Variants in SLC25A42 observed in about 807,000 individuals in gnomAD.
The protein encoded by SLC25A42 is mitochondrial coenzyme A transporter SLC25A42.
Under a neutral mutation model 34.7 loss-of-function variants are expected in SLC25A42, and 19 were observed. The observed-to-expected ratio is 0.55, with a 90% CI of 0.38 to 0.80. SLC25A42 has a LOEUF of 0.80. Among genes scored for constraint, SLC25A42 ranks in the 30% least tolerant of loss-of-function variants. The probability of loss-of-function intolerance (pLI) is 0.00; values close to 1 mark genes in which losing one functional copy is unlikely to be tolerated. For missense variants in SLC25A42, 364 were observed against 441.3 expected (o/e 0.82, Z 1.57); for synonymous variants, 205 against 191.2 (o/e 1.07, Z -0.59).
chr19:19,086,288 C>T (rs1470407877), intron 1 of SLC25A42, among the ~76,000 whole-genome samples: 1 of 152,168 alleles, frequency 6.6e-6, no homozygotes, highest in African/African-American at 2.4e-5. Context: ...TGAGCACCAC[C>T]ATACCTGGCT....
intron 1 of SLC25A42, among the ~76,000 whole-genome samples, chr19:19,087,388 A>G (rs1309745178): frequency 6.6e-6 from 1 of 152,066 alleles, no homozygotes; most frequent in Non-Finnish European, 1.5e-5. Context: ...CCCAGGTTCA[A>G]GCGATTCTCC....
chr19:19,108,982 A>G (rs2059849045), intron 7 of SLC25A42, among the ~76,000 whole-genome samples: 1 of 151,748 alleles, frequency 6.6e-6, no homozygotes, highest in South Asian at 2.1e-4. Context: ...TGAGGGCCCA[A>G]GTCTCTCTCC....
chr19:19,098,395 T>C (rs2059776880), intron 2 of SLC25A42, among the ~76,000 whole-genome samples: 1 of 152,102 alleles, frequency 6.6e-6, no homozygotes, highest in African/African-American at 2.4e-5. Context: ...CCCAGGAGTT[T>C]GAGAACAGCC....
chr19:19,068,954 G>A (rs1451637060), intron 1 of SLC25A42, among the ~76,000 whole-genome samples: 1 of 151,722 alleles, frequency 6.6e-6, no homozygotes, highest in African/African-American at 2.4e-5. Context: ...TGAGCTCAGG[G>A]GGTTGAGGCT....
chr19:19,106,472 C>A, intron 6 of SLC25A42, 87 bp downstream of exon 6: 1 of 1,132,472 alleles, frequency 8.8e-7, no homozygotes, highest in South Asian at 1.4e-5. Context: ...CTCTATCGGG[C>A]CCCAGGGGTT....
At position 19,109,398 on chromosome 19, in the gene SLC25A42, T is replaced by C. The variant is rs1423417691; in HGVS notation, c.650-1171T>C. Among the ~76,000 whole-genome samples the C allele has an allele frequency of 6.6e-6, 1 of 152,234 alleles. No individual in the cohort carries two copies. Among genetic ancestry groups the C allele is most frequent in the African/African-American group, 2.4e-5 (1 of 41,464 alleles). ...ACGTGATGCCATCAGACCCCTTGTT[T>C]TTGCCCACCTGGTGAGCAGATCACA... is the stretch of plus-strand genomic sequence containing the variant. On this transcript the variant is annotated intron_variant, in intron 7 of 7. Transcript: ENST00000318596. The surrounding 1 kb of genome is among the most constrained non-coding windows in gnomAD (Gnocchi z 4.1).
intron 1 of SLC25A42, among the ~76,000 whole-genome samples, chr19:19,089,298 C>T (rs1568514894): frequency 6.6e-6 from 1 of 151,972 alleles, no homozygotes; most frequent in East Asian, 2.0e-4. Flanking sequence ...GAGGCTGAGG[C>T]GGGCAGATCA....
chr19:19,096,039 C>A, intron 1 of SLC25A42, 52 bp from the exon 2 acceptor site: 1 of 1,218,018 alleles, frequency 8.2e-7, no homozygotes, highest in Non-Finnish European at 1.2e-6. Context: ...GTGGAACACC[C>A]ACCATCTCTC....
At chr19:19,080,355 C>A (rs957063904) in intron 1 of SLC25A42, among the ~76,000 whole-genome samples, 2 of 152,104 alleles carry the variant, frequency 1.3e-5, no homozygotes, top group East Asian at 3.9e-4. Context: ...ACAGCCCCAC[C>A]CCCTACCCAT....
At chr19:19,075,457 C>T (rs922145891) in intron 1 of SLC25A42, among the ~76,000 whole-genome samples, 39 of 152,360 alleles carry the variant, frequency 2.6e-4, no homozygotes, top group African/African-American at 8.7e-4. Context: ...TGCCTGGCCG[C>T]TGGTAGTCAC....
Position 19,096,212 on chromosome 19 carries a change from A to C in SLC25A42, c.81+7A>C, listed in dbSNP as rs1599681408. On this transcript the variant is annotated splice_region_variant and intron_variant, in intron 2 of 7. Coordinates refer to ENST00000318596, the MANE Select transcript of SLC25A42 (RefSeq NM_178526.5). ...CTCGTCCGTCTCATCAAAGGCAAGT[A>C]CCCCGGCCTCCTGGGATGGGTGTTC... 1 of 1,603,954 alleles carries C rather than the reference A, an allele frequency of 6.2e-7. No homozygotes were observed. Among genetic ancestry groups the C allele is most frequent in the East Asian group, 2.2e-5 (1 of 44,534 alleles).
intron 3 of SLC25A42, among the ~76,000 whole-genome samples, chr19:19,102,659 G>C (rs913125464): frequency 6.6e-6 from 1 of 152,018 alleles, no homozygotes; most frequent in African/African-American, 2.4e-5. Flanking sequence ...CAGGAGAATC[G>C]CTTGAACCTG....
At chr19:19,071,937 G>A (rs2059632352) in intron 1 of SLC25A42, among the ~76,000 whole-genome samples, 1 of 152,184 alleles carries the variant, frequency 6.6e-6, no homozygotes, top group Admixed American at 6.5e-5. Flanking sequence ...AATCATCTAA[G>A]TTTTGTTTCA....
intron 3 of SLC25A42, among the ~76,000 whole-genome samples, chr19:19,103,945 C>A (rs1367228032): frequency 6.6e-6 from 1 of 152,028 alleles, no homozygotes; most frequent in East Asian, 1.9e-4. Flanking sequence ...CTCTCTCTGT[C>A]CCCCTGGCTG....
At chr19:19,071,360 T>C (rs2059629216) in intron 1 of SLC25A42, among the ~76,000 whole-genome samples, 1 of 152,144 alleles carries the variant, frequency 6.6e-6, no homozygotes, top group Non-Finnish European at 1.5e-5. Flanking sequence ...GGTCCTGTGA[T>C]TATCTCCTGT....
Position 19,104,944 on chromosome 19 carries a change from C to T in SLC25A42, c.213+6C>T, listed in dbSNP as rs1488993063. Reference sequence around the variant, plus strand: ...CAAAAAGATTTTCTGCCAAGGTGAGCCACTATGTCACCGCCCCGGCCTGGG... The same window carrying T: ...CAAAAAGATTTTCTGCCAAGGTGAGTCACTATGTCACCGCCCCGGCCTGGG... On this transcript the variant is annotated splice_donor_region_variant and intron_variant, in intron 4 of 7. Coordinates refer to ENST00000318596, the MANE Select transcript of SLC25A42 (RefSeq NM_178526.5). The T allele has an allele frequency of 2.5e-6, 4 of 1,614,024 alleles. No individual in the cohort carries two copies. The Admixed American group carries it at 5.0e-5, about 20-fold the overall frequency.
chr19:19,097,203 G>A (rs554071110), intron 2 of SLC25A42, among the ~76,000 whole-genome samples: 10 of 152,110 alleles, frequency 6.6e-5, no homozygotes, highest in African/African-American at 1.4e-4. Context: ...CAGGCCGACC[G>A]CACAGGCAGT....
At position 19,109,212 on chromosome 19, in the gene SLC25A42, C is replaced by T. The variant is rs2059849988; in HGVS notation, c.649+1167C>T. 6.6e-6 allele frequency among the ~76,000 whole-genome samples: 1 copy of T among 152,228 alleles called. No homozygotes were observed. Among genetic ancestry groups the T allele is most frequent in the Non-Finnish European group, 1.5e-5 (1 of 68,032 alleles). The stretch of plus-strand genomic sequence containing the variant: ...CTCTGTTCCGCCTTTTTAGTGGCTG[C>T]ACAGTGGGCCTTACCTTCTTGGGGT... On this transcript the variant is annotated intron_variant, in intron 7 of 7. Coordinates refer to ENST00000318596, the MANE Select transcript of SLC25A42 (RefSeq NM_178526.5). This position sits in a 1 kb window ranked among gnomAD's most constrained non-coding sequence, Gnocchi z 4.1.
chr19:19,103,699 C>T (rs2059810494), intron 3 of SLC25A42, among the ~76,000 whole-genome samples: 1 of 152,206 alleles, frequency 6.6e-6, no homozygotes, highest in Non-Finnish European at 1.5e-5. Context: ...GGCCCGGGCC[C>T]TCTGCCCCTC....
Sources: gnomAD v4.1 joint callset for allele counts (sites outside exome capture counted in the v4.1 genomes callset) on GRCh38, gnomAD v4.1.1 for gene constraint, Gnocchi (gnomAD v3.1) non-coding constraint, MANE v1.5 for transcripts, NCBI Gene and HGNC (gene_info 2026-07-23, HGNC 2026-07-21) for gene names.